UBE2E2: variants seen among roughly 807,000 people sequenced by gnomAD.
UBE2E2 encodes the protein ubiquitin-conjugating enzyme E2 E2.
Under a neutral mutation model 24.7 loss-of-function variants are expected in UBE2E2, and 6 were observed. The observed-to-expected ratio is 0.24, with a 90% CI of 0.13 to 0.48. UBE2E2 has a LOEUF of 0.48. Among genes scored for constraint, UBE2E2 ranks in the 20% least tolerant of loss-of-function variants. UBE2E2 has a pLI of 0.99. For missense variants in UBE2E2, 169 were observed against 245.0 expected, an observed-to-expected ratio of 0.69 and a Z score of 2.07; for synonymous variants, 104 against 83.6, an observed-to-expected ratio of 1.24 and a Z score of -1.33.
intron 3 of UBE2E2, among the ~76,000 whole-genome samples, chr3:23,415,045 T>G (rs141764112): frequency 1.3e-5 from 2 of 152,362 alleles, no homozygotes; most frequent in East Asian, 3.9e-4. Flanking sequence ...GTGAAGCTAC[T>G]GGACTTGCTA....
intron 3 of UBE2E2, among the ~76,000 whole-genome samples, chr3:23,461,521 A>G (rs898004610): frequency 5.9e-5 from 9 of 152,220 alleles, no homozygotes; most frequent in Non-Finnish European, 1.3e-4. Context: ...TAATAAATTC[A>G]TAATAGTCAA....
At chr3:23,223,143 C>T in intron 3 of UBE2E2, among the ~76,000 whole-genome samples, 1 of 149,600 alleles carries the variant, frequency 6.7e-6, no homozygotes, top group Non-Finnish European at 1.5e-5. Context: ...CTTCAGCCTC[C>T]TGAGTAGCTG....
At position 23,590,943 on chromosome 3, in the gene UBE2E2, GA is replaced by G. The variant is rs1696746348; in HGVS notation, c.*1113del. 2 of 152,170 alleles carry G rather than the reference GA, an allele frequency of 1.3e-5. No homozygotes were observed. Among genetic ancestry groups the G allele is most frequent in the Non-Finnish European group, 2.9e-5 (2 of 68,048 alleles). 9.4% of individuals were successfully genotyped at this position (152,170 alleles called of 1,614,324 possible). On this transcript the variant is annotated 3_prime_UTR_variant, in exon 6 of 6. Transcript: ENST00000396703. ...TTATTTCTCTCAAAATTGTTACAGTGATTGCCCTCAAGCTTTGTATTGTTCA... is the reference window on the plus strand; with the variant it reads ...TTATTTCTCTCAAAATTGTTACAGTGTTGCCCTCAAGCTTTGTATTGTTCA...
intron 3 of UBE2E2, among the ~76,000 whole-genome samples, chr3:23,482,352 C>G (rs1011577674): frequency 6.6e-6 from 1 of 151,940 alleles, no homozygotes; most frequent in Non-Finnish European, 1.5e-5. Context: ...AGTAAACTTG[C>G]GTCTTCTGTT....
rs182015808 is a variant in UBE2E2 at position 23,577,814 on chromosome 3, G to T, written c.509-11920G>T. Among the ~76,000 whole-genome samples the T allele has an allele frequency of 3.4e-4, 52 of 152,264 alleles. No individual in the cohort carries two copies. In the East Asian group the frequency reaches 9.8e-3, roughly 29 times the overall value. ...GGACAGGCTGACTCTCTTAGTAGGG[G>T]TCTAATGTAGCTGGTGACTTCAAGT... On this transcript the variant is annotated intron_variant, in intron 5 of 5. Transcript: ENST00000396703.
intron 3 of UBE2E2, among the ~76,000 whole-genome samples, chr3:23,305,440 AG>A (rs2125269852): frequency 6.6e-6 from 1 of 152,360 alleles, no homozygotes; most frequent in Non-Finnish European, 1.5e-5. Flanking sequence ...TTTTAACTGC[AG>A]TTAGTACAGT....
At chr3:23,323,515 C>T (rs1020367107) in intron 3 of UBE2E2, 3 of 438,182 alleles carry the variant, frequency 6.8e-6, no homozygotes, top group African/African-American at 6.2e-5. Flanking sequence ...ACTTTTTCAG[C>T]ACCAACATAA....
chr3:23,542,848 G>A (rs1056057352), intron 5 of UBE2E2, among the ~76,000 whole-genome samples: 40 of 152,156 alleles, frequency 2.6e-4, no homozygotes, highest in Non-Finnish European at 1.5e-5. Context: ...ATTTAGACAC[G>A]TTGACCTCAG....
intron 3 of UBE2E2, among the ~76,000 whole-genome samples, chr3:23,366,877 T>A (rs1696270530): frequency 6.6e-6 from 1 of 152,140 alleles, no homozygotes; most frequent in African/African-American, 2.4e-5. Flanking sequence ...TTAAGAAAAT[T>A]TGTATAACAG....
intron 3 of UBE2E2, among the ~76,000 whole-genome samples, chr3:23,228,893 A>G (rs1696898234): frequency 6.6e-6 from 1 of 152,206 alleles, no homozygotes; most frequent in Non-Finnish European, 1.5e-5. Flanking sequence ...GCCTATTTGG[A>G]AGATGAGGCC....
chr3:23,245,046 C>A (rs945048047), intron 3 of UBE2E2, among the ~76,000 whole-genome samples: 1 of 152,064 alleles, frequency 6.6e-6, no homozygotes, highest in Admixed American at 6.5e-5. Flanking sequence ...TATGTAAATA[C>A]ATTTAGAAAT....
At chr3:23,210,102 G>C (rs1696279102) in intron 2 of UBE2E2, among the ~76,000 whole-genome samples, 1 of 152,094 alleles carries the variant, frequency 6.6e-6, no homozygotes, top group Admixed American at 6.5e-5. Context: ...GGAAAATGGG[G>C]GGTGGGGTTA....
At chr3:23,258,316 G>A (rs1157245740) in intron 3 of UBE2E2, among the ~76,000 whole-genome samples, 2 of 152,210 alleles carry the variant, frequency 1.3e-5, no homozygotes, top group Non-Finnish European at 2.9e-5. Flanking sequence ...TAGAAAAAGA[G>A]AAAGGATGAG....
intron 3 of UBE2E2, among the ~76,000 whole-genome samples, chr3:23,452,895 C>T (rs1698596976): frequency 1.3e-5 from 2 of 152,154 alleles, no homozygotes; most frequent in South Asian, 4.1e-4. Context: ...AGCACGCTGG[C>T]ACACCCCTTT....
intron 5 of UBE2E2, among the ~76,000 whole-genome samples, chr3:23,553,364 G>A (rs1695695800): frequency 2.0e-5 from 3 of 152,054 alleles, no homozygotes; most frequent in Middle Eastern, 3.4e-3. Flanking sequence ...GTGGTAAAGC[G>A]GCATCCCACT....
intron 4 of UBE2E2, among the ~76,000 whole-genome samples, chr3:23,524,341 C>T (rs1404475516): frequency 2.0e-5 from 3 of 152,036 alleles, no homozygotes; most frequent in Non-Finnish European, 4.4e-5. Flanking sequence ...AATCTTATAA[C>T]TAGTAACTAG....
intron 3 of UBE2E2, among the ~76,000 whole-genome samples, chr3:23,333,999 T>C (rs767225918): frequency 6.6e-6 from 1 of 152,226 alleles, no homozygotes; most frequent in African/African-American, 2.4e-5. Context: ...CAGTTGTTGA[T>C]GCATTTTGTC....
intron 3 of UBE2E2, among the ~76,000 whole-genome samples, chr3:23,262,803 C>T (rs902422225): frequency 6.6e-6 from 1 of 151,944 alleles, no homozygotes; most frequent in African/African-American, 2.4e-5. Context: ...GTTGCACATG[C>T]TTTTGGTGTC....
At chr3:23,374,961 T>TTA (rs1202498242) in intron 3 of UBE2E2, among the ~76,000 whole-genome samples, 1 of 152,154 alleles carries the variant, frequency 6.6e-6, no homozygotes, top group Non-Finnish European at 1.5e-5. Context: ...GAAGATTGTA[T>TTA]TTTTTAATTA....
Sources: allele counts gnomAD v4.1 joint callset (sites outside exome capture counted in the v4.1 genomes callset), GRCh38; gene constraint gnomAD v4.1.1; transcripts MANE v1.5; gene names NCBI Gene and HGNC (gene_info 2026-07-23, HGNC 2026-07-21).